The following TASOR2 variants were observed in gnomAD, a reference collection of about 807,000 sequenced individuals.
The protein encoded by TASOR2 is transcription activation suppressor family member 2.
TASOR2 carries 84 observed loss-of-function variants against 199.5 expected under a neutral mutation model. That is an observed-to-expected ratio of 0.42 (90% CI 0.35 to 0.50). The LOEUF is 0.50. Ranked by LOEUF, TASOR2 falls within the 20% of genes least tolerant of loss-of-function variation. The pLI is 0.02. For synonymous variants in TASOR2, 1,103 were observed against 1,046.6 expected (o/e 1.05, Z -1.04); for missense variants, 2,796 against 2,835.9 (o/e 0.99, Z 0.32).
exon 3 of TASOR2, chr10:5,717,696 A>G: frequency 4.9e-6 from 6 of 1,226,504 alleles, no homozygotes; most frequent in Non-Finnish European, 6.1e-6. Context: ...GTCTTCATTC[A>G]AGACCATGGT....
At chr10:5,763,195 A>T (rs371421725) in exon 21 of TASOR2, 2 of 623,770 alleles carry the variant, frequency 3.2e-6, no homozygotes, top group African/African-American at 3.8e-5. Context: ...TTGCTGAAAT[A>T]TGTCACAGTG....
At chr10:5,726,517 G>C (rs1215928254) in intron 8 of TASOR2, among the ~76,000 whole-genome samples, 1 of 152,142 alleles carries the variant, frequency 6.6e-6, no homozygotes, top group African/African-American at 2.4e-5. Flanking sequence ...GCTACTTATA[G>C]GTTTGATTCA....
exon 13 of TASOR2, chr10:5,739,867 A>G: frequency 6.2e-7 from 1 of 1,614,212 alleles, no homozygotes; most frequent in Non-Finnish European, 8.5e-7. Context: ...TTGCCACAAA[A>G]TGATGTTTTG....
At chr10:5,734,327 G>C (rs531673543) in intron 11 of TASOR2, among the ~76,000 whole-genome samples, 1 of 152,290 alleles carries the variant, frequency 6.6e-6, no homozygotes, top group East Asian at 1.9e-4. Context: ...CATTGTGTAA[G>C]ATAGTAGATT....
At chr10:5,717,547 C>T (rs926028242) in intron 2 of TASOR2, 112 bp from the exon 4 acceptor site, 1 of 413,004 alleles carries the variant, frequency 2.4e-6, no homozygotes, top group Non-Finnish European at 4.1e-6. Context: ...TGGAATCCTC[C>T]TCTCCTGTCT....
At chr10:5,756,306 C>G (rs919353342) in intron 15 of TASOR2, among the ~76,000 whole-genome samples, 1 of 152,172 alleles carries the variant, frequency 6.6e-6, no homozygotes, top group Non-Finnish European at 1.5e-5. Context: ...AAGTATATAT[C>G]TGGTATTCTC....
At chr10:5,760,400 T>C (rs897334028) in intron 18 of TASOR2, among the ~76,000 whole-genome samples, 1 of 152,328 alleles carries the variant, frequency 6.6e-6, no homozygotes, top group Non-Finnish European at 1.5e-5. Flanking sequence ...TTATGTATTA[T>C]TGAGAACTCA....
At chr10:5,724,793 A>T (rs1833838428) in intron 8 of TASOR2, among the ~76,000 whole-genome samples, 1 of 151,588 alleles carries the variant, frequency 6.6e-6, no homozygotes. Flanking sequence ...CCCCCAGTGG[A>T]TGCCTGAAAC....
intron 10 of TASOR2, among the ~76,000 whole-genome samples, chr10:5,728,427 G>A (rs1189098629): frequency 2.6e-5 from 4 of 151,848 alleles, no homozygotes; most frequent in Non-Finnish European, 4.4e-5. Flanking sequence ...CACGAGGTCA[G>A]GAGATCAAGA....
At chr10:5,744,223 T>C (rs1836837429) in intron 14 of TASOR2, among the ~76,000 whole-genome samples, 1 of 152,194 alleles carries the variant, frequency 6.6e-6, no homozygotes, top group African/African-American at 2.4e-5. Context: ...GGACACTGAC[T>C]CTCAAGACTT....
chr10:5,707,726 TCACACACACACACACACACA>T (rs5782856), intron 1 of TASOR2, among the ~76,000 whole-genome samples: 1,323 of 129,188 alleles, frequency 0.01, 13 homozygotes, highest in African/African-American at 0.017. Flanking sequence ...TCACTCATTT[TCACACACACACACACACACA>T]CACACACACA....
chr10:5,715,662 G>T (rs137950849), intron 2 of TASOR2, among the ~76,000 whole-genome samples: 1 of 151,730 alleles, frequency 6.6e-6, no homozygotes, highest in Non-Finnish European at 1.5e-5. Context: ...TTGGTGGCGG[G>T]GTACGGAGTT....
chr10:5,708,390 A>T (rs1831407925), intron 1 of TASOR2, among the ~76,000 whole-genome samples: 1 of 152,096 alleles, frequency 6.6e-6, no homozygotes, highest in Non-Finnish European at 1.5e-5. Flanking sequence ...TTCTTGACAT[A>T]GCTCCATCTC....
chr10:5,748,805 A>T lies in TASOR2; in HGVS notation c.5384A>T (p.Glu1795Val). 1.2e-6 allele frequency: 2 copies of T among 1,614,194 alleles called. No individual in the cohort carries two copies. The highest frequency in any genetic ancestry group is 1.7e-6 in the Non-Finnish European group (2 of 1,180,040). The change falls in exon 15 of 21, where the codon GAG (glutamate) becomes GTG (valine). Residue 1795 changes from glutamate to valine, a missense_variant. Transcript: ENST00000328090. The surrounding 1 kb of genome is among the most constrained non-coding windows in gnomAD (Gnocchi z 5.1). Reference sequence around the variant, plus strand: ...ATAGCCACAGAGCACGTAGAAATTGAGAACAGTGGGGAGGGGCTCAGGGCT... The same window carrying T: ...ATAGCCACAGAGCACGTAGAAATTGTGAACAGTGGGGAGGGGCTCAGGGCT...
chr10:5,726,893 C>G, exon 9 of TASOR2: 1 of 1,613,822 alleles, frequency 6.2e-7, no homozygotes, highest in East Asian at 2.2e-5. Context: ...AGGCAATCAT[C>G]AAATGCTTAG....
chr10:5,706,510 A>G lies in TASOR2; in HGVS notation c.-287-6313A>G, dbSNP rs1427307487. Among the ~76,000 whole-genome samples, 1 of 152,234 alleles carries G rather than the reference A, an allele frequency of 6.6e-6. No individual in the cohort carries two copies. The highest frequency in any genetic ancestry group is 1.5e-5 in the Non-Finnish European group (1 of 68,046). The stretch of plus-strand genomic sequence containing the variant: ...CAGAAAGGTCCTTCCAAAAAAAAGA[A>G]AAGAAGCTGCTCAAAACAGACAAAA... On this transcript the variant is annotated intron_variant, in intron 1 of 20. Transcript: ENST00000328090. The surrounding 1 kb of genome is among the most constrained non-coding windows in gnomAD (Gnocchi z 4.8).
chr10:5,699,003 A>G lies in TASOR2; in HGVS notation c.-287-13820A>G, dbSNP rs1005768148. On this transcript the variant is annotated intron_variant, in intron 1 of 20. Coordinates refer to ENST00000328090, the Ensembl canonical transcript of TASOR2. This position sits in a 1 kb window ranked among gnomAD's most constrained non-coding sequence, Gnocchi z 4.1. The stretch of plus-strand genomic sequence containing the variant: ...AGGTATATACGTAAGAGAAATGAAA[A>G]CATGTTCACATAAAAACTTATACAT... Among the ~76,000 whole-genome samples, 1 of 152,196 alleles carries G rather than the reference A, an allele frequency of 6.6e-6. No individual in the cohort carries two copies. The highest frequency in any genetic ancestry group is 2.4e-5 in the African/African-American group (1 of 41,452).
chr10:5,699,683 C>A lies in TASOR2; in HGVS notation c.-287-13140C>A. On this transcript the variant is annotated intron_variant, in intron 1 of 20. Transcript: ENST00000328090. The surrounding 1 kb of genome is among the most constrained non-coding windows in gnomAD (Gnocchi z 4.1). The stretch of plus-strand genomic sequence containing the variant: ...ATGATCAAGCCATTTCAGAAGTACA[C>A]AAGGGAGACTAGACACCATGGCAAA... 1 of 395,040 alleles carries A rather than the reference C, an allele frequency of 2.5e-6. No individual in the cohort carries two copies. Among genetic ancestry groups the A allele is most frequent in the Non-Finnish European group, 3.4e-6 (1 of 290,624 alleles). 24.5% of individuals were successfully genotyped at this position (395,040 alleles called of 1,614,324 possible). A position where few individuals can be genotyped will look rare whatever the true frequency, so the allele number is the denominator to read the frequency against.
Position 5,748,888 on chromosome 10 carries a change from C to A in TASOR2, c.5467C>A (p.His1823Asn). 6.2e-7 allele frequency: 1 copy of A among 1,614,130 alleles called. No homozygotes were observed. The highest frequency in any genetic ancestry group is 8.5e-7 in the Non-Finnish European group (1 of 1,180,008). Residue 1823 changes from histidine (H) to asparagine (N), a missense_variant, in exon 15 of 21, where the codon CAC becomes AAC. By Grantham distance (68) the His-to-Asn change is moderately conservative. Coordinates refer to ENST00000328090, the Ensembl canonical transcript of TASOR2. This position sits in a 1 kb window ranked among gnomAD's most constrained non-coding sequence, Gnocchi z 5.1. ...AGAGGTCGGTGTGAATTCCGACATGCACTATGAACTCTCTGGAGATTCTGA... is the reference window on the plus strand; with the variant it reads ...AGAGGTCGGTGTGAATTCCGACATGAACTATGAACTCTCTGGAGATTCTGA...
Sources: gnomAD v4.1 joint callset for allele counts (sites outside exome capture counted in the v4.1 genomes callset) on GRCh38, gnomAD v4.1.1 for gene constraint, Gnocchi (gnomAD v3.1) non-coding constraint, MANE v1.5 for transcripts, NCBI Gene and HGNC (gene_info 2026-07-23, HGNC 2026-07-21) for gene names.